The following FAM81A variants were observed in gnomAD, a reference collection of about 807,000 sequenced individuals.
FAM81A encodes family with sequence similarity 81 member A, also known as protein FAM81A.
Under a neutral mutation model 46.7 loss-of-function variants are expected in FAM81A, and 19 were observed. The observed-to-expected ratio is 0.41, with a 90% CI of 0.28 to 0.60. The LOEUF is 0.60. FAM81A is among the 20% of genes least tolerant of loss of function. The pLI, the probability that FAM81A is intolerant of heterozygous loss-of-function variation, is 0.34. For synonymous variants in FAM81A, 183 were observed against 152.9 expected, an observed-to-expected ratio of 1.20 and a Z score of -1.45; for missense variants, 377 against 453.5, an observed-to-expected ratio of 0.83 and a Z score of 1.53.
intron 1 of FAM81A, among the ~76,000 whole-genome samples, chr15:59,400,339 C>G (rs1308022315): frequency 6.6e-6 from 1 of 152,122 alleles, no homozygotes; most frequent in African/African-American, 2.4e-5. Flanking sequence ...TCCTCAATAG[C>G]TTGCACTTCT....
rs565101278 is a variant in FAM81A, at chr15:59,401,765, T to G, written c.-160-511T>G. ...AGGTACTGCTCCCTGTGGAGTCTTT[T>G]CAGCATTTTTTTTTTTTTTTGGTGT... On this transcript the variant is annotated intron_variant, in intron 1 of 4. Coordinates refer to the FAM81A transcript ENST00000558348. 3.0e-6 allele frequency: 2 copies of G among 674,350 alleles called. 1 individual carries two copies. Among genetic ancestry groups the G allele is most frequent in the African/African-American group, 5.9e-5 (2 of 33,980 alleles). The allele number at this position is 674,350 out of a possible 1,614,324, so 41.8% of individuals were successfully genotyped here.
chr15:59,508,859 C>T lies in FAM81A; in HGVS notation c.544-4C>T, dbSNP rs759965552. 8.1e-6 allele frequency: 13 copies of T among 1,606,568 alleles called. No homozygotes were observed. The Admixed American group carries it at 2.2e-4, about 27-fold the overall frequency. ...GATATTTATAAGCAAGATTTCTTTTCCAGATTTCTCAGCTTTTGAACAGAG... is the reference window on the plus strand; with the variant it reads ...GATATTTATAAGCAAGATTTCTTTTTCAGATTTCTCAGCTTTTGAACAGAG... On this transcript the variant is annotated splice_polypyrimidine_tract_variant and splice_region_variant and intron_variant, in intron 5 of 8. Coordinates refer to ENST00000288228, the MANE Select transcript of FAM81A (RefSeq NM_152450.3).
At chr15:59,421,950 A>T (rs1039317410) in intron 2 of FAM81A, among the ~76,000 whole-genome samples, 7 of 151,814 alleles carry the variant, frequency 4.6e-5, no homozygotes, top group Admixed American at 4.6e-4. Flanking sequence ...TATCCACTTT[A>T]ATTTGATATT....
intron 4 of FAM81A, among the ~76,000 whole-genome samples, chr15:59,492,647 A>G (rs2081993616): frequency 6.6e-6 from 1 of 152,122 alleles, no homozygotes; most frequent in Non-Finnish European, 1.5e-5. Flanking sequence ...TGACCTTGTA[A>G]TTTGATAGGG....
chr15:59,459,880 G>A, intron 2 of FAM81A, 53 bp from the exon 3 acceptor site: 3 of 1,499,682 alleles, frequency 2.0e-6, no homozygotes, highest in South Asian at 2.7e-5. Flanking sequence ...TTTGAATCTG[G>A]CTTTAAACAT....
chr15:59,418,939 C>T (rs2081158759), intron 2 of FAM81A, among the ~76,000 whole-genome samples: 1 of 152,110 alleles, frequency 6.6e-6, no homozygotes, highest in Non-Finnish European at 1.5e-5. Context: ...CATCATTATC[C>T]TTCTGATCTA....
At chr15:59,459,480 C>T (rs1226851901) in intron 2 of FAM81A, among the ~76,000 whole-genome samples, 2 of 152,248 alleles carry the variant, frequency 1.3e-5, no homozygotes, top group East Asian at 3.9e-4. Flanking sequence ...ATGCCCTTTC[C>T]AGATCTCTAA....
At chr15:59,433,140 C>CAAAAAAA (rs552850890) in intron 2 of FAM81A, among the ~76,000 whole-genome samples, 1 of 42,450 alleles carries the variant, frequency 2.4e-5, no homozygotes, top group Non-Finnish European at 4.1e-5. Context: ...GACTCCGTCT[C>CAAAAAAA]AAAAAAAAAA....
intron 3 of FAM81A, among the ~76,000 whole-genome samples, chr15:59,485,905 G>T (rs1280305121): frequency 1.3e-5 from 2 of 152,100 alleles, no homozygotes; most frequent in East Asian, 3.9e-4. Context: ...CTGGCCAGGT[G>T]CAGCGGCTCA....
chr15:59,438,920 TAA>T (rs2081266567), intron 1 of FAM81A: 1 of 152,218 alleles, frequency 6.6e-6, no homozygotes, highest in African/African-American at 2.4e-5. Context: ...ATGCACAGGT[TAA>T]AACCTCTTTG....
intron 2 of FAM81A, among the ~76,000 whole-genome samples, chr15:59,423,749 T>A (rs1236446495): frequency 1.3e-5 from 2 of 152,192 alleles, no homozygotes; most frequent in African/African-American, 4.8e-5. Flanking sequence ...ATGCTGAAAG[T>A]TTTTCATATA....
chr15:59,503,536 A>G (rs1364845570), intron 4 of FAM81A, among the ~76,000 whole-genome samples: 18 of 152,002 alleles, frequency 1.2e-4, no homozygotes, highest in Non-Finnish European at 1.3e-4. Context: ...GATATGGAGT[A>G]TTCTGCTACA....
intron 8 of FAM81A, among the ~76,000 whole-genome samples, chr15:59,519,319 G>A (rs570236273): frequency 6.6e-6 from 1 of 152,000 alleles, no homozygotes; most frequent in East Asian, 1.9e-4. Flanking sequence ...CCCGCGGGTA[G>A]CTGGGATTGT....
intron 1 of FAM81A, among the ~76,000 whole-genome samples, chr15:59,439,671 C>T (rs1458036605): frequency 6.2e-5 from 9 of 145,808 alleles, no homozygotes; most frequent in Admixed American, 2.7e-4. Context: ...AATGAATAAG[C>T]TTCTGCAAGC....
chr15:59,470,832 C>A (rs1331313183), intron 3 of FAM81A, among the ~76,000 whole-genome samples: 1 of 151,476 alleles, frequency 6.6e-6, no homozygotes, highest in Admixed American at 6.6e-5. Flanking sequence ...CCTTTTTTTT[C>A]TTTTTTTGAG....
At chr15:59,503,216 A>G (rs993809422) in intron 4 of FAM81A, among the ~76,000 whole-genome samples, 19 of 146,712 alleles carry the variant, frequency 1.3e-4, no homozygotes, top group African/African-American at 4.8e-4. Context: ...AGCCTGGGCA[A>G]CAGAGTGAGA....
chr15:59,457,108 T>C (rs1567051506), intron 1 of FAM81A, among the ~76,000 whole-genome samples: 2 of 152,092 alleles, frequency 1.3e-5, no homozygotes, highest in East Asian at 1.9e-4. Flanking sequence ...TTTACGGTAG[T>C]CCCCCCTTAT....
chr15:59,515,176 T>C (rs2082253803), intron 7 of FAM81A, among the ~76,000 whole-genome samples: 1 of 151,846 alleles, frequency 6.6e-6, no homozygotes, highest in Admixed American at 6.6e-5. Context: ...CCCAGGAAGG[T>C]CAAAACTGCA....
chr15:59,403,244 T>C (rs75012674), intron 2 of FAM81A, among the ~76,000 whole-genome samples: 12 of 151,290 alleles, frequency 7.9e-5, no homozygotes, highest in Admixed American at 4.6e-4. Flanking sequence ...CATTCATATG[T>C]TGAAGCCCTA....
Sources: allele counts gnomAD v4.1 joint callset (sites outside exome capture counted in the v4.1 genomes callset), GRCh38; gene constraint gnomAD v4.1.1; transcripts MANE v1.5; gene names NCBI Gene and HGNC (gene_info 2026-07-23, HGNC 2026-07-21).